CYP4A22: variants seen among roughly 807,000 people sequenced by gnomAD.
CYP4A22 encodes the protein cytochrome P450 family 4 subfamily A member 22.
CYP4A22 carries 46 observed loss-of-function variants against 56.2 expected under a neutral mutation model. That is an observed-to-expected ratio of 0.82 (90% CI 0.65 to 1.05). The LOEUF is 1.05. CYP4A22 is among the 50% of genes least tolerant of loss of function. The pLI is 0.00. For missense variants in CYP4A22, 541 were observed against 645.9 expected (o/e 0.84, Z 1.76); for synonymous variants, 193 against 251.1 (o/e 0.77, Z 2.19).
At chr1:47,143,008 C>A (rs1645030111) in intron 4 of CYP4A22, among the ~76,000 whole-genome samples, 1 of 152,168 alleles carries the variant, frequency 6.6e-6, no homozygotes, top group African/African-American at 2.4e-5. Context: ...TCTCAAAATT[C>A]AATACTTAAT....
At chr1:47,141,711 C>T (rs966191226) in intron 3 of CYP4A22, 96 bp downstream of exon 3, 3 of 1,457,206 alleles carry the variant, frequency 2.1e-6, no homozygotes, top group Non-Finnish European at 2.8e-6. Flanking sequence ...CCACCACTAT[C>T]ATGACCTCAT....
At chr1:47,139,520 C>T (rs1258924618) in intron 1 of CYP4A22, among the ~76,000 whole-genome samples, 2 of 152,180 alleles carry the variant, frequency 1.3e-5, no homozygotes, top group Admixed American at 1.3e-4. Context: ...ACTGCACAGC[C>T]TCTAATCTTC....
chr1:47,140,817 G>T lies in CYP4A22; in HGVS notation c.233G>T (p.Arg78Leu). Residue 78 changes from arginine (R) to leucine (L), a missense_variant, in exon 2 of 12, where the codon CGG (arginine) becomes CTG (leucine). Coordinates refer to ENST00000371891, the MANE Select transcript of CYP4A22 (RefSeq NM_001010969.4). ...CAGGAGCTACAACGGATTCAGGAAC[G>T]GGTGAAGACATTCCCAAGTGCCTGT... ...HDQELQRIQE[R>L]VKTFPSACPY... is the part of the protein sequence containing the mutation. 6.2e-7 allele frequency: 1 copy of T among 1,614,166 alleles called. No homozygotes were observed. Among genetic ancestry groups the T allele is most frequent in the Non-Finnish European group, 8.5e-7 (1 of 1,180,020 alleles).
intron 9 of CYP4A22, 24 bp from the exon 10 acceptor site, chr1:47,145,842 C>T (rs770674024): frequency 1.9e-6 from 3 of 1,613,946 alleles, no homozygotes; most frequent in East Asian, 4.5e-5. Flanking sequence ...TCGGTCTTCT[C>T]TCTCTTTCCA....
Position 47,144,967 on chromosome 1 carries a change from A to T in CYP4A22, c.1219A>T (p.Lys407Ter), listed in dbSNP as rs776023387. The change falls in exon 9 of 12, where the codon AAA becomes TAA. Residue 407 changes from lysine to a stop codon, truncating the protein, a stop_gained. Coordinates refer to ENST00000371891, the MANE Select transcript of CYP4A22 (RefSeq NM_001010969.4). LOFTEE classifies it high-confidence loss of function. ...CTTCCCTGATGGGCGCTCCTTGCCC[A>T]AAGGTATGAAGTTTCCCCACCCTCT... ...VTFPDGRSLP[K>*]GIMVLLSIYG... The T allele has an allele frequency of 3.1e-6, 5 of 1,614,162 alleles. No homozygotes were observed. Among genetic ancestry groups the T allele is most frequent in the Non-Finnish European group, 4.2e-6 (5 of 1,180,008 alleles).
chr1:47,148,929 C>G lies in CYP4A22; in HGVS notation c.*132C>G. On this transcript the variant is annotated 3_prime_UTR_variant, in exon 12 of 12. Coordinates refer to ENST00000371891, the MANE Select transcript of CYP4A22 (RefSeq NM_001010969.4). ...GCTGTCCCCCAGTCTGCCTGCCCTTCTCTCTCTCACCTTTCTCCAAGCTCC... is the reference window on the plus strand; with the variant it reads ...GCTGTCCCCCAGTCTGCCTGCCCTTGTCTCTCTCACCTTTCTCCAAGCTCC... The G allele has an allele frequency of 4.0e-6, 4 of 1,006,570 alleles. No homozygotes were observed. The highest frequency in any genetic ancestry group is 5.6e-6 in the Non-Finnish European group (4 of 710,020). The allele number at this position is 1,006,570 out of a possible 1,614,324, so 62.4% of individuals were successfully genotyped here. A position where few individuals can be genotyped will look rare whatever the true frequency, so the allele number is the denominator to read the frequency against.
intron 11 of CYP4A22, chr1:47,146,507 C>T: frequency 3.0e-5 from 34 of 1,133,240 alleles, no homozygotes; most frequent in Non-Finnish European, 3.6e-5. Context: ...GTTTGCTTTT[C>T]TCAGTTGTCA....
intron 1 of CYP4A22, among the ~76,000 whole-genome samples, chr1:47,138,490 C>T (rs904860482): frequency 6.6e-6 from 1 of 152,214 alleles, no homozygotes; most frequent in Non-Finnish European, 1.5e-5. Flanking sequence ...AATCCTGGCA[C>T]AGCTTGATGG....
At chr1:47,142,266 C>G (rs1409684181) in intron 4 of CYP4A22, 31 bp downstream of exon 4, 2 of 1,566,320 alleles carry the variant, frequency 1.3e-6, no homozygotes, top group Admixed American at 3.6e-5. Flanking sequence ...TCTCCCCACA[C>G]CCACTCACAG....
chr1:47,138,107 A>T (rs1217576123), intron 1 of CYP4A22, among the ~76,000 whole-genome samples: 1 of 152,186 alleles, frequency 6.6e-6, no homozygotes, highest in South Asian at 2.1e-4. Context: ...ACTCTGTGCC[A>T]TGAGGAGTTC....
chr1:47,145,757 AT>A (rs1169698457), intron 9 of CYP4A22, 108 bp from the exon 10 acceptor site: 9 of 1,484,158 alleles, frequency 6.1e-6, no homozygotes, highest in African/African-American at 1.4e-5. Flanking sequence ...CAAAGTGACA[AT>A]TTATAGAAAG....
intron 10 of CYP4A22, 54 bp downstream of exon 10, chr1:47,145,984 C>G: frequency 6.2e-7 from 1 of 1,614,052 alleles, no homozygotes; most frequent in Non-Finnish European, 8.5e-7. Flanking sequence ...CCAATACCTT[C>G]TCCTGCTTCC....
At position 47,148,558 on chromosome 1, in the gene CYP4A22, G is replaced by A. The variant is rs188996026; in HGVS notation, c.1365-44G>A. On this transcript the variant is annotated intron_variant, in intron 11 of 11. Coordinates refer to ENST00000371891, the MANE Select transcript of CYP4A22 (RefSeq NM_001010969.4). The stretch of plus-strand genomic sequence containing the variant: ...GCCAAAACCTGCTCAGATCAGAATG[G>A]GGCCTGAGGACACGTCTCAATTCAT... 1.4e-3 allele frequency: 2,211 copies of A among 1,560,666 alleles called. 2 individuals are homozygous for A. The highest frequency in any genetic ancestry group is 1.8e-3 in the Non-Finnish European group (2,112 of 1,152,294).
chr1:47,145,940 C>T lies in CYP4A22; in HGVS notation c.1287+10C>T, dbSNP rs745462538. ...GTGGCCCAACCTAGAGGTATGTGGT[C>T]CTTGAGAGGAGGAAATGGGGTGATC... On this transcript the variant is annotated intron_variant, in intron 10 of 11. Transcript: ENST00000371891. The T allele has an allele frequency of 3.1e-6, 5 of 1,613,972 alleles. No homozygotes were observed. Among genetic ancestry groups the T allele is most frequent in the South Asian group, 2.2e-5 (2 of 91,068 alleles).
In CYP4A22 at chr1:47,143,784, G is replaced by GCCATTAGTGACCTGA. The variant is rs747293097; in HGVS notation, c.659_673dup (p.Leu224_Asn225insThrIleSerAspLeu). 1.2e-6 allele frequency: 2 copies of GCCATTAGTGACCTGA among 1,613,032 alleles called. No homozygotes were observed. The highest frequency in any genetic ancestry group is 4.5e-5 in the East Asian group (2 of 44,884). ...CAGGAATTCTCAGTCCTACATCCAG[G>GCCATTAGTGACCTGA]CCATTAGTGACCTGAACAGCCTGGT... On this transcript the variant is annotated inframe_insertion, in exon 6 of 12. Transcript: ENST00000371891.
chr1:47,146,872 A>T (rs1296562645), intron 11 of CYP4A22: 25 of 985,506 alleles, frequency 2.5e-5, no homozygotes, highest in Non-Finnish European at 3.0e-5. Flanking sequence ...ACTTAGCACA[A>T]TATTGGCCAA....
In CYP4A22 at chr1:47,143,932, C is replaced by G. The variant is rs1408468117; in HGVS notation, c.790+16C>G. On this transcript the variant is annotated intron_variant, in intron 6 of 11. Transcript: ENST00000371891. ...CAGCACACAGGTTCTGTCTCTTCCT[C>G]TTGTCTCCCAGCCTTTCCCAGGCAC... 1 of 1,599,814 alleles carries G rather than the reference C, an allele frequency of 6.3e-7. No homozygotes were observed. Among genetic ancestry groups the G allele is most frequent in the Non-Finnish European group, 8.5e-7 (1 of 1,172,542 alleles).
At chr1:47,139,616 T>C (rs1303681695) in intron 1 of CYP4A22, among the ~76,000 whole-genome samples, 1 of 152,094 alleles carries the variant, frequency 6.6e-6, no homozygotes, top group Non-Finnish European at 1.5e-5. Flanking sequence ...ACTGGGCACA[T>C]AGTATGTGTG....
At chr1:47,146,604 G>C (rs920816524) in intron 11 of CYP4A22, 99 of 1,017,180 alleles carry the variant, frequency 9.7e-5, no homozygotes, top group Non-Finnish European at 1.1e-4. Flanking sequence ...GTCTGTCGTA[G>C]AGATGAATCA....
Sources: gnomAD v4.1 joint callset for allele counts (sites outside exome capture counted in the v4.1 genomes callset) on GRCh38, gnomAD v4.1.1 for gene constraint, MANE v1.5 for transcripts, NCBI Gene and HGNC (gene_info 2026-07-23, HGNC 2026-07-21) for gene names.